The following ANKRD30BL variants were observed in gnomAD, a reference collection of about 807,000 sequenced individuals.
ANKRD30BL encodes ankyrin repeat domain 30B like.
In ANKRD30BL, 20 loss-of-function variants were observed where a neutral mutation model predicts 18.4. The observed-to-expected ratio is 1.09, with a 90% CI of 0.77 to 1.58. The LOEUF is 1.58. ANKRD30BL is among the 40% of genes most tolerant of loss of function. The pLI is 0.00. For synonymous variants in ANKRD30BL, 72 were observed against 100.9 expected (o/e 0.71, Z 1.72); for missense variants, 224 against 268.6 (o/e 0.83, Z 1.16).
intron 1 of ANKRD30BL, among the ~76,000 whole-genome samples, chr2:132,206,434 A>G (rs376897919): frequency 2.0e-5 from 3 of 152,286 alleles, no homozygotes; most frequent in African/African-American, 7.2e-5. Context: ...TGGAACTGGT[A>G]TTTAATCCCA....
intron 1 of ANKRD30BL, among the ~76,000 whole-genome samples, chr2:132,234,664 A>G (rs1437187350): frequency 6.6e-6 from 1 of 152,212 alleles, no homozygotes; most frequent in African/African-American, 2.4e-5. Flanking sequence ...GAATAGACCA[A>G]TAACAGGCTC....
At chr2:132,210,819 T>C (rs1475285196) in intron 1 of ANKRD30BL, among the ~76,000 whole-genome samples, 1 of 151,742 alleles carries the variant, frequency 6.6e-6, no homozygotes, top group Non-Finnish European at 1.5e-5. Context: ...AAAAACACTT[T>C]TTGTAGTATC....
At chr2:132,256,016 C>G (rs553798061) in intron 1 of ANKRD30BL, among the ~76,000 whole-genome samples, 8 of 152,154 alleles carry the variant, frequency 5.3e-5, no homozygotes, top group Non-Finnish European at 1.0e-4. Flanking sequence ...CAGTGCCCTT[C>G]AGCATGTAAT....
intron 1 of ANKRD30BL, among the ~76,000 whole-genome samples, chr2:132,198,264 TTTCTTTTCTTTCTTTC>T (rs1282941312): frequency 5.2e-5 from 7 of 135,766 alleles, no homozygotes; most frequent in Non-Finnish European, 8.9e-5. Flanking sequence ...ACCTTCTTTC[TTTCTTTTCTTTCTTTC>T]TTTCTTTCTT....
chr2:132,198,320 CTTTCTTTT>C (rs1558928599), intron 1 of ANKRD30BL, among the ~76,000 whole-genome samples: 3 of 10,586 alleles, frequency 2.8e-4, no homozygotes, highest in African/African-American at 4.0e-4. Flanking sequence ...TTCTTTCTTT[CTTTCTTTT>C]TTTTTTTTTT....
intron 1 of ANKRD30BL, among the ~76,000 whole-genome samples, chr2:132,171,344 C>T (rs989356111): frequency 2.0e-5 from 3 of 152,094 alleles, no homozygotes; most frequent in South Asian, 2.1e-4. Context: ...ATCTCAAAGG[C>T]GAACCCAAAG....
At chr2:132,221,648 G>T (rs1371679512) in intron 1 of ANKRD30BL, among the ~76,000 whole-genome samples, 1 of 107,392 alleles carries the variant, frequency 9.3e-6, no homozygotes, top group Non-Finnish European at 1.7e-5. Flanking sequence ...GAGGTGGGGG[G>T]TTCAGCCCCC....
At chr2:132,174,085 C>T (rs1236328383) in intron 1 of ANKRD30BL, among the ~76,000 whole-genome samples, 1 of 152,184 alleles carries the variant, frequency 6.6e-6, no homozygotes. Flanking sequence ...TATTCTGAGA[C>T]TTCTCTAAAG....
At chr2:132,202,156 G>A (rs190670750) in intron 1 of ANKRD30BL, among the ~76,000 whole-genome samples, 11 of 145,126 alleles carry the variant, frequency 7.6e-5, no homozygotes, top group East Asian at 2.0e-4. Context: ...GTGGAGGCAG[G>A]GGGGAGGGAT....
At chr2:132,205,762 A>G (rs1350018856) in intron 1 of ANKRD30BL, among the ~76,000 whole-genome samples, 2 of 152,126 alleles carry the variant, frequency 1.3e-5, no homozygotes, top group East Asian at 1.9e-4. Flanking sequence ...AGAAAGGTCA[A>G]TTAGGAAGCT....
In ANKRD30BL at chr2:132,241,422, C is replaced by G. The variant is rs1049251655; in HGVS notation, n.441+16107G>C. On this transcript the variant is annotated intron_variant and non_coding_transcript_variant, in intron 1 of 4. Transcript: ENST00000470729. ...TATTCAACTCACAGAGTTGAACCTT[C>G]CCTTTCATAGAGCAGTTTTGAAGCA... is the stretch of plus-strand genomic sequence containing the variant. 3.3e-5 allele frequency among the ~76,000 whole-genome samples: 5 copies of G among 150,606 alleles called. No individual in the cohort carries two copies. The Admixed American group carries it at 3.3e-4, about 10-fold the overall frequency.
intron 1 of ANKRD30BL, among the ~76,000 whole-genome samples, chr2:132,246,430 G>A (rs1202829050): frequency 2.0e-5 from 3 of 150,012 alleles, no homozygotes; most frequent in African/African-American, 7.3e-5. Context: ...AGTGGATATT[G>A]GACACCATTG....
intron 1 of ANKRD30BL, among the ~76,000 whole-genome samples, chr2:132,186,893 G>A (rs1228111082): frequency 6.6e-6 from 1 of 151,772 alleles, no homozygotes; most frequent in Non-Finnish European, 1.5e-5. Flanking sequence ...GAATTGCATA[G>A]GACATATGAA....
intron 1 of ANKRD30BL, among the ~76,000 whole-genome samples, chr2:132,249,583 G>T (rs1288268867): frequency 6.6e-6 from 1 of 151,636 alleles, no homozygotes; most frequent in Admixed American, 6.6e-5. Flanking sequence ...TCTGTGAGAT[G>T]AATGTACACA....
chr2:132,202,810 C>A (rs969479107), intron 1 of ANKRD30BL, among the ~76,000 whole-genome samples: 2 of 152,096 alleles, frequency 1.3e-5, no homozygotes, highest in Non-Finnish European at 2.9e-5. Flanking sequence ...TTTGAAGGCC[C>A]ATTGCACAAT....
At chr2:132,250,052 C>A (rs4033967) in intron 1 of ANKRD30BL, among the ~76,000 whole-genome samples, 196 of 150,024 alleles carry the variant, frequency 1.3e-3, no homozygotes, top group Non-Finnish European at 2.1e-3. Flanking sequence ...TACAAAAACA[C>A]CATTTCCAAG....
At chr2:132,196,154 A>T (rs2104742442) in intron 1 of ANKRD30BL, among the ~76,000 whole-genome samples, 1 of 151,474 alleles carries the variant, frequency 6.6e-6, no homozygotes, top group South Asian at 2.1e-4. Context: ...AAAAAAAAAA[A>T]AGAAAAAGAA....
intron 1 of ANKRD30BL, among the ~76,000 whole-genome samples, chr2:132,170,741 C>T (rs1009291595): frequency 7.9e-5 from 12 of 152,318 alleles, no homozygotes; most frequent in African/African-American, 2.6e-4. Flanking sequence ...GGCCATGAAT[C>T]TTACATTTTA....
intron 1 of ANKRD30BL, among the ~76,000 whole-genome samples, chr2:132,222,388 T>C (rs977512797): frequency 6.6e-6 from 1 of 151,958 alleles, no homozygotes; most frequent in East Asian, 1.9e-4. Flanking sequence ...TTTTGTGGAA[T>C]AGAAAGGCGG....
Sources: gnomAD v4.1 joint callset for allele counts (sites outside exome capture counted in the v4.1 genomes callset) on GRCh38, gnomAD v4.1.1 for gene constraint, MANE v1.5 for transcripts, NCBI Gene and HGNC (gene_info 2026-07-23, HGNC 2026-07-21) for gene names.